The following GPR39 variants were observed in gnomAD, a reference collection of about 807,000 sequenced individuals.
GPR39 encodes G protein-coupled receptor 39, also known as zinc sensing receptor.
GPR39 carries 23 observed loss-of-function variants against 18.4 expected under a neutral mutation model. That is an observed-to-expected ratio of 1.25 (90% CI 0.90 to 1.77). The LOEUF (loss-of-function observed/expected upper bound fraction) is 1.77, where lower values mean the gene tolerates loss of function less well. Among genes scored for constraint, GPR39 ranks in the 40% most tolerant of loss-of-function variants. The pLI is 0.00. For missense variants in GPR39, 647 were observed against 602.4 expected, an observed-to-expected ratio of 1.07 and a Z score of -0.78; for synonymous variants, 280 against 257.9, an observed-to-expected ratio of 1.09 and a Z score of -0.82.
intron 1 of GPR39, among the ~76,000 whole-genome samples, chr2:132,581,572 G>A (rs1573679638): frequency 6.6e-6 from 1 of 152,104 alleles, no homozygotes; most frequent in Non-Finnish European, 1.5e-5. Context: ...AATCCAACAT[G>A]TGGGGCAGGC....
chr2:132,644,048 GAA>G (rs1558869236), intron 1 of GPR39, among the ~76,000 whole-genome samples: 1 of 152,208 alleles, frequency 6.6e-6, no homozygotes, highest in East Asian at 1.9e-4. Context: ...GGCTCCTTAC[GAA>G]AAGAGAGAGC....
intron 1 of GPR39, 48 bp from the exon 2 acceptor site, chr2:132,645,053 C>CT (rs767345408): frequency 2.6e-6 from 4 of 1,565,488 alleles, no homozygotes; most frequent in Non-Finnish European, 3.5e-6. Flanking sequence ...TGTTCTCATG[C>CT]TGTGTTTTTC....
chr2:132,427,056 A>G lies in GPR39; in HGVS notation c.856+9158A>G, dbSNP rs549261271. The stretch of plus-strand genomic sequence containing the variant: ...TTGAGCCAGAGATGAAGTCATTTGA[A>G]TATATATATATATGTACCTATATAT... On this transcript the variant is annotated intron_variant, in intron 1 of 1. Coordinates refer to ENST00000329321, the MANE Select transcript of GPR39 (RefSeq NM_001508.3). Among the ~76,000 whole-genome samples the G allele has an allele frequency of 6.8e-5, 10 of 146,532 alleles. No individual in the cohort carries two copies. In the Admixed American group the frequency reaches 6.9e-4, roughly 10 times the overall value.
At chr2:132,430,341 T>C (rs990476937) in intron 1 of GPR39, among the ~76,000 whole-genome samples, 2 of 152,226 alleles carry the variant, frequency 1.3e-5, no homozygotes, top group Admixed American at 1.3e-4. Flanking sequence ...GGGTTGAGAA[T>C]GGGAGAAGAA....
intron 1 of GPR39, among the ~76,000 whole-genome samples, chr2:132,457,668 C>A (rs1037163875): frequency 6.6e-6 from 1 of 152,252 alleles, no homozygotes; most frequent in East Asian, 1.9e-4. Flanking sequence ...CTCTTCAGAG[C>A]TGTCAGACAG....
rs111418645 is a variant in GPR39, at chr2:132,509,244, G to A, written c.856+91346G>A. Among the ~76,000 whole-genome samples the A allele has an allele frequency of 3.6e-3, 555 of 152,146 alleles. 5 individuals carry two copies. The highest frequency in any genetic ancestry group is 0.013 in the African/African-American group (526 of 41,474). The stretch of plus-strand genomic sequence containing the variant: ...TAACCAGCTCAATGTATGTTGCCTG[G>A]GTTTTAGGGAAACAAACACATTTCT... On this transcript the variant is annotated intron_variant, in intron 1 of 1. Transcript: ENST00000329321.
chr2:132,612,015 C>CT (rs1202008556), intron 1 of GPR39, among the ~76,000 whole-genome samples: 2 of 152,206 alleles, frequency 1.3e-5, no homozygotes, highest in African/African-American at 4.8e-5. Flanking sequence ...GTGCATTTAT[C>CT]TTTGCCCAGA....
At chr2:132,478,050 T>C (rs967251643) in intron 1 of GPR39, among the ~76,000 whole-genome samples, 21 of 152,244 alleles carry the variant, frequency 1.4e-4, no homozygotes, top group African/African-American at 5.1e-4. Flanking sequence ...ATTGAGACAC[T>C]GTCCCACACA....
chr2:132,567,401 A>G (rs1449299601), intron 1 of GPR39, among the ~76,000 whole-genome samples: 1 of 152,130 alleles, frequency 6.6e-6, no homozygotes, highest in Non-Finnish European at 1.5e-5. Context: ...TCATGGATGA[A>G]TGGGTTAATG....
chr2:132,606,341 C>G (rs72841243), intron 1 of GPR39, among the ~76,000 whole-genome samples: 4 of 152,088 alleles, frequency 2.6e-5, no homozygotes, highest in Non-Finnish European at 5.9e-5. Flanking sequence ...ATAAAACATA[C>G]CAAGTGCTTA....
intron 1 of GPR39, among the ~76,000 whole-genome samples, chr2:132,549,527 G>A (rs6750905): frequency 0.18 from 27,761 of 152,040 alleles, 3,199 homozygotes; most frequent in African/African-American, 0.31. Context: ...GGTGGCTCAC[G>A]CCTGTAATCC....
At chr2:132,533,550 C>A (rs1216755786) in intron 1 of GPR39, among the ~76,000 whole-genome samples, 17 of 150,750 alleles carry the variant, frequency 1.1e-4, no homozygotes, top group African/African-American at 3.9e-4. Context: ...CAATCCTAAG[C>A]GAAAAGAACA....
intron 1 of GPR39, among the ~76,000 whole-genome samples, chr2:132,457,226 A>G (rs1680744457): frequency 6.6e-6 from 1 of 152,104 alleles, no homozygotes; most frequent in African/African-American, 2.4e-5. Context: ...TATTTCATTA[A>G]TTTGATCTTC....
At chr2:132,458,698 T>A (rs142147088) in intron 1 of GPR39, among the ~76,000 whole-genome samples, 1,580 of 152,242 alleles carry the variant, frequency 0.01, 27 homozygotes, top group African/African-American at 0.032. Context: ...TTCTTTGAAT[T>A]TTCCCCCCAG....
intron 1 of GPR39, among the ~76,000 whole-genome samples, chr2:132,585,948 G>T (rs1323269634): frequency 1.6e-5 from 1 of 62,974 alleles, no homozygotes; most frequent in Admixed American, 2.6e-4. Flanking sequence ...AGCATCCCCG[G>T]TTTTTTTTTT....
At chr2:132,489,660 G>A (rs1331409291) in intron 1 of GPR39, among the ~76,000 whole-genome samples, 1 of 151,952 alleles carries the variant, frequency 6.6e-6, no homozygotes, top group African/African-American at 2.4e-5. Flanking sequence ...TGTATGATCA[G>A]TTAAATAAGA....
intron 1 of GPR39, among the ~76,000 whole-genome samples, chr2:132,424,753 G>A (rs954564440): frequency 1.3e-5 from 2 of 152,106 alleles, no homozygotes; most frequent in African/African-American, 4.8e-5. Context: ...TTCCAATTTG[G>A]GTCAAAGTAC....
intron 1 of GPR39, among the ~76,000 whole-genome samples, chr2:132,575,945 G>C (rs561372978): frequency 9.9e-4 from 150 of 152,250 alleles, no homozygotes; most frequent in African/African-American, 3.4e-3. Context: ...CTTCTAACAT[G>C]TGAGGAAACC....
rs574790707 is a variant in GPR39, at chr2:132,493,309, T to C, written c.856+75411T>C. On this transcript the variant is annotated intron_variant, in intron 1 of 1. Coordinates refer to ENST00000329321, the MANE Select transcript of GPR39 (RefSeq NM_001508.3). ...ATACCATATATATACACCATATATA[T>C]ACCATATATATACACATACCATATA... is the stretch of plus-strand genomic sequence containing the variant. Among the ~76,000 whole-genome samples the C allele has an allele frequency of 9.1e-4, 133 of 146,000 alleles. 1 individual carries two copies. The South Asian group carries it at 0.012, about 14-fold the overall frequency.
Sources: allele counts gnomAD v4.1 joint callset (sites outside exome capture counted in the v4.1 genomes callset), GRCh38; gene constraint gnomAD v4.1.1; transcripts MANE v1.5; gene names NCBI Gene and HGNC (gene_info 2026-07-23, HGNC 2026-07-21).